SDK1: variants seen among roughly 807,000 people sequenced by gnomAD.
SDK1 encodes the protein sidekick cell adhesion molecule 1.
A neutral mutation model predicts 245.5 loss-of-function variants in SDK1; 157 were observed. That is an observed-to-expected ratio of 0.64 (90% CI 0.56 to 0.73). The LOEUF is 0.73. SDK1 is among the 30% of genes least tolerant of loss of function. The pLI, the probability that SDK1 is intolerant of heterozygous loss-of-function variation, is 0.00. For synonymous variants in SDK1, 1,647 were observed against 1,278.5 expected (o/e 1.29, Z -6.15); for missense variants, 3,583 against 3,002.3 (o/e 1.19, Z -4.52).
At position 4,149,354 on chromosome 7, in the gene SDK1, G is replaced by A. The variant is rs1293522318; in HGVS notation, c.4516G>A (p.Ala1506Thr). The A allele has an allele frequency of 6.3e-7, 1 of 1,591,800 alleles. No homozygotes were observed. Among genetic ancestry groups the A allele is most frequent in the South Asian group, 1.1e-5 (1 of 87,764 alleles). Residue 1506 changes from alanine (A) to threonine (T), a missense_variant, in exon 30 of 45, where the codon GCC becomes ACC. By Grantham distance (58) the Ala-to-Thr change is moderately conservative. Transcript: ENST00000404826. ...CCAGTGGGTCCCGGGCAGCGACGGG[G>A]CCTCCCCCATCCGGTACTTCACCAT... ...RLQWVPGSDG[A>T]SPIRYFTMQV... is the part of the protein sequence containing the mutation.
chr7:3,520,604 A>G (rs765839401), intron 1 of SDK1, among the ~76,000 whole-genome samples: 1 of 152,204 alleles, frequency 6.6e-6, no homozygotes, highest in Non-Finnish European at 1.5e-5. Context: ...ATTCTAATGT[A>G]TCTGACCTGC....
intron 1 of SDK1, among the ~76,000 whole-genome samples, chr7:3,418,771 A>G (rs1583828958): frequency 6.6e-6 from 1 of 152,316 alleles, no homozygotes; most frequent in East Asian, 1.9e-4. Flanking sequence ...AATTACACTC[A>G]AGACCTTAGG....
chr7:4,038,439 C>A (rs1257183420), intron 17 of SDK1, among the ~76,000 whole-genome samples: 1 of 152,098 alleles, frequency 6.6e-6, no homozygotes, highest in Non-Finnish European at 1.5e-5. Context: ...GATTCAAACT[C>A]ATGCCATACA....
intron 1 of SDK1, among the ~76,000 whole-genome samples, chr7:3,443,997 C>G (rs1454066666): frequency 6.6e-6 from 1 of 152,184 alleles, no homozygotes; most frequent in Non-Finnish European, 1.5e-5. Flanking sequence ...GCACGGAAGC[C>G]TGAGAAGAAG....
chr7:4,145,851 C>T lies in SDK1; in HGVS notation c.4358C>T (p.Ser1453Phe). The stretch of plus-strand genomic sequence containing the variant: ...GAGTCCGCATACATCTTCAGGCTGT[C>T]CGCCAAGACGAGGCAGGGCTGGGGG... The part of the protein sequence containing the change: ...APESAYIFRL[S>F]AKTRQGWGEP... The change falls in exon 29 of 45, where the codon TCC (serine) becomes TTC (phenylalanine). Residue 1453 changes from serine (S) to phenylalanine (F), a missense_variant. Physicochemically the swap from Ser to Phe is radical, Grantham distance 155. Coordinates refer to ENST00000404826, the MANE Select transcript of SDK1 (RefSeq NM_152744.4). 1 of 1,613,762 alleles carries T rather than the reference C, an allele frequency of 6.2e-7. No individual in the cohort carries two copies. The highest frequency in any genetic ancestry group is 8.5e-7 in the Non-Finnish European group (1 of 1,179,940).
In SDK1 at chr7:4,011,060, G is replaced by A. The variant is rs1302581632; in HGVS notation, c.2226G>A (p.Arg742=). Residue 742 remains arginine, a synonymous_variant, in exon 15 of 45, where the codon CGG becomes CGA. Coordinates refer to ENST00000404826, the MANE Select transcript of SDK1 (RefSeq NM_152744.4). ...CTCCGGCTCGTACCTATCAATTCCG[G>A]GTGTGCGCGGTGAATGAAGTGGGCA... The part of the protein sequence containing the change: ...GLTPARTYQF[R]VCAVNEVGRG... 2.0e-5 allele frequency: 33 copies of A among 1,614,130 alleles called. No individual in the cohort carries two copies. The highest frequency in any genetic ancestry group is 2.8e-5 in the Non-Finnish European group (33 of 1,180,038).
intron 4 of SDK1, among the ~76,000 whole-genome samples, chr7:3,703,711 A>AT (rs1784805966): frequency 6.6e-6 from 1 of 152,164 alleles, no homozygotes; most frequent in African/African-American, 2.4e-5. Flanking sequence ...TTTCCTATGA[A>AT]TCTATAATTA....
chr7:3,614,344 A>G (rs1473110334), intron 1 of SDK1, among the ~76,000 whole-genome samples: 2 of 152,224 alleles, frequency 1.3e-5, no homozygotes, highest in African/African-American at 4.8e-5. Flanking sequence ...GTTAGAATAC[A>G]GAAGTATTCC....
chr7:3,498,696 C>A (rs559450340), intron 1 of SDK1, among the ~76,000 whole-genome samples: 15 of 151,778 alleles, frequency 9.9e-5, no homozygotes, highest in African/African-American at 3.4e-4. Context: ...ATATTTGTTA[C>A]CGGAATGTCT....
At chr7:3,430,328 G>C (rs1008408444) in intron 1 of SDK1, among the ~76,000 whole-genome samples, 21 of 152,044 alleles carry the variant, frequency 1.4e-4, no homozygotes, top group Non-Finnish European at 2.8e-4. Context: ...TAGTAATTAA[G>C]GTTATTTTGA....
chr7:3,780,944 C>T (rs966386805), intron 4 of SDK1, among the ~76,000 whole-genome samples: 8 of 151,930 alleles, frequency 5.3e-5, no homozygotes, highest in Non-Finnish European at 7.4e-5. Flanking sequence ...TCCACTCAGC[C>T]CAAAAGCCCA....
At chr7:3,760,336 A>T (rs1202546975) in intron 4 of SDK1, among the ~76,000 whole-genome samples, 1 of 152,208 alleles carries the variant, frequency 6.6e-6, no homozygotes, top group Non-Finnish European at 1.5e-5. Flanking sequence ...AGCAATGTGC[A>T]TGCATACATT....
intron 29 of SDK1, among the ~76,000 whole-genome samples, chr7:4,148,438 G>A (rs1026870019): frequency 3.3e-5 from 5 of 152,228 alleles, no homozygotes; most frequent in African/African-American, 4.8e-5. Flanking sequence ...GGCACCCCGC[G>A]TCCCGCATCC....
At chr7:3,707,064 G>T (rs1299414355) in intron 4 of SDK1, among the ~76,000 whole-genome samples, 1 of 151,854 alleles carries the variant, frequency 6.6e-6, no homozygotes, top group East Asian at 1.9e-4. Flanking sequence ...ATTTTGCTCT[G>T]GATCTTTGTT....
intron 33 of SDK1, among the ~76,000 whole-genome samples, 158 bp from the exon 34 acceptor site, chr7:4,175,617 T>C (rs368718429): frequency 4.6e-5 from 7 of 152,238 alleles, no homozygotes; most frequent in African/African-American, 1.7e-4. Flanking sequence ...GGTGGAAAGC[T>C]TGGGCGGTAG....
At chr7:4,103,260 A>G (rs1488227848) in intron 22 of SDK1, among the ~76,000 whole-genome samples, 2 of 152,048 alleles carry the variant, frequency 1.3e-5, no homozygotes, top group Non-Finnish European at 2.9e-5. Flanking sequence ...TCGGCCTCCC[A>G]AAGTGCTGGG....
intron 22 of SDK1, among the ~76,000 whole-genome samples, chr7:4,089,057 C>G (rs1445002907): frequency 2.1e-5 from 3 of 140,612 alleles, no homozygotes; most frequent in African/African-American, 6.3e-5. Context: ...GAGACTCTCC[C>G]TCAGGTGGAG....
intron 5 of SDK1, among the ~76,000 whole-genome samples, chr7:3,924,831 T>A (rs1184632092): frequency 6.6e-6 from 1 of 152,016 alleles, no homozygotes; most frequent in African/African-American, 2.4e-5. Context: ...CTTGTTCCTG[T>A]GTGTGTGTGA....
chr7:3,618,699 A>G (rs999659305), intron 1 of SDK1, among the ~76,000 whole-genome samples: 2 of 152,196 alleles, frequency 1.3e-5, no homozygotes, highest in African/African-American at 4.8e-5. Context: ...TTATAGAGGA[A>G]ACTTCTCTTT....
Sources: gnomAD v4.1 joint callset for allele counts (sites outside exome capture counted in the v4.1 genomes callset) on GRCh38, gnomAD v4.1.1 for gene constraint, MANE v1.5 for transcripts, NCBI Gene and HGNC (gene_info 2026-07-23, HGNC 2026-07-21) for gene names.